Variants in ZNF585A observed in about 807,000 individuals in gnomAD.
ZNF585A encodes the protein zinc finger protein 585A.
A neutral mutation model predicts 14.9 loss-of-function variants in ZNF585A; 9 were observed. That is an observed-to-expected ratio of 0.60 (90% CI 0.36 to 1.05). The LOEUF (loss-of-function observed/expected upper bound fraction) is 1.05. Ranked by LOEUF, ZNF585A falls within the 50% of genes least tolerant of loss-of-function variation. ZNF585A has a pLI of 0.01. For synonymous variants in ZNF585A, 276 were observed against 319.9 expected, an observed-to-expected ratio of 0.86 and a Z score of 1.46; for missense variants, 726 against 926.4, an observed-to-expected ratio of 0.78 and a Z score of 2.81.
Position 37,153,102 on chromosome 19 carries a change from C to T in ZNF585A, c.797G>A (p.Gly266Asp), listed in dbSNP as rs774021931. The part of the protein sequence containing the change: ...TLKMHQKIHT[G>D]ERSYICIECG... ...TTCAATACAGATGTAGGATCTCTCG[C>T]CTGTATGGATTTTCTGATGCATCTT... Residue 266 changes from glycine (G) to aspartate (D), a missense_variant, in exon 5 of 5, where the codon GGC becomes GAC. Gly to Asp is a moderately conservative substitution (Grantham distance 94). Around this residue, in one of 2 missense-constraint regions of ZNF585A, gnomAD observed 483 missense variants for 542.8 expected, o/e 0.89. Transcript: ENST00000292841. The T allele has an allele frequency of 6.2e-7, 1 of 1,614,074 alleles. No individual in the cohort carries two copies. The highest frequency in any genetic ancestry group is 8.5e-7 in the Non-Finnish European group (1 of 1,179,996).
At position 37,151,731 on chromosome 19, in the gene ZNF585A, C is replaced by T; in HGVS notation, c.2168G>A (p.Cys723Tyr). Residue 723 changes from cysteine (C) to tyrosine (Y), a missense_variant, in exon 5 of 5, where the codon TGT becomes TAT. Around this residue, in one of 2 missense-constraint regions of ZNF585A, gnomAD observed 243 missense variants for 383.6 expected, o/e 0.63. Transcript: ENST00000292841. ...GGACCTGTCAGTAAAGGCCTTCCCA[C>T]ACTCAGCACACACGTAAGGCTTCTC... ...TGEKPYVCAECGKAFTDRSNL... is the reference protein window; with the variant it reads ...TGEKPYVCAEYGKAFTDRSNL... The T allele has an allele frequency of 6.2e-7, 1 of 1,614,184 alleles. No individual in the cohort carries two copies. Among genetic ancestry groups the T allele is most frequent in the Non-Finnish European group, 8.5e-7 (1 of 1,180,042 alleles).
chr19:37,163,515 A>C (rs530866038), intron 2 of ZNF585A, among the ~76,000 whole-genome samples: 102 of 152,000 alleles, frequency 6.7e-4, no homozygotes, highest in Middle Eastern at 3.4e-3. Context: ...CAAAAACACA[A>C]AAGGTGGCAA....
Position 37,156,221 on chromosome 19 carries a change from G to A in ZNF585A, c.199+8C>T, listed in dbSNP as rs370833979. The A allele has an allele frequency of 6.2e-7, 1 of 1,613,766 alleles. No individual in the cohort carries two copies. The highest frequency in any genetic ancestry group is 2.2e-5 in the East Asian group (1 of 44,880). On this transcript the variant is annotated splice_region_variant and intron_variant, in intron 3 of 4. Coordinates refer to ENST00000292841, the MANE Select transcript of ZNF585A (RefSeq NM_001288800.2). ...CCTCCTTTCAGATACCAAGGTGACT[G>A]TGCTTACCTACTGAGAGCAGGTGGC...
chr19:37,155,721 C>T, intron 4 of ZNF585A, 144 bp downstream of exon 4: 1 of 845,298 alleles, frequency 1.2e-6, no homozygotes, highest in South Asian at 1.6e-5. Context: ...TCTGAGAGGC[C>T]AAGGGGGCAT....
In ZNF585A at chr19:37,149,265, T is replaced by C. The variant is rs886363225; in HGVS notation, c.*2324A>G. On this transcript the variant is annotated 3_prime_UTR_variant, in exon 5 of 5. Transcript: ENST00000292841. ...CTATGCATATGTGGATTAGGGGATA[T>C]ATGGGAAACCTCTGTAATTTCTACC... 1.3e-5 allele frequency: 2 copies of C among 152,212 alleles called. No homozygotes were observed. Among genetic ancestry groups the C allele is most frequent in the South Asian group, 2.1e-4 (1 of 4,828 alleles). 9.4% of individuals were successfully genotyped at this position (152,212 alleles called of 1,614,324 possible). A position where few individuals can be genotyped will look rare whatever the true frequency, so the allele number is the denominator to read the frequency against.
chr19:37,159,740 C>A (rs1303572444), intron 2 of ZNF585A, among the ~76,000 whole-genome samples: 4 of 152,024 alleles, frequency 2.6e-5, no homozygotes, highest in Non-Finnish European at 4.4e-5. Context: ...ATAACAGAAA[C>A]AAAACAGACA....
At chr19:37,167,484 T>C (rs1366320435) in intron 2 of ZNF585A, among the ~76,000 whole-genome samples, 1 of 152,312 alleles carries the variant, frequency 6.6e-6, no homozygotes, top group African/African-American at 2.4e-5. Context: ...TTTTTAATTG[T>C]GGTAAAAATA....
At position 37,155,965 on chromosome 19, in the gene ZNF585A, T is replaced by G; in HGVS notation, c.200-8A>C. The G allele has an allele frequency of 6.2e-7, 1 of 1,613,880 alleles. No individual in the cohort carries two copies. Among genetic ancestry groups the G allele is most frequent in the Non-Finnish European group, 8.5e-7 (1 of 1,180,010 alleles). ...CTTCAGGAACTTGATATCCTGTTCA[T>G]GGGAAATGATAAAGGTCTGGGTCCA... On this transcript the variant is annotated splice_region_variant and splice_polypyrimidine_tract_variant and intron_variant, in intron 3 of 4. Coordinates refer to ENST00000292841, the MANE Select transcript of ZNF585A (RefSeq NM_001288800.2).
At position 37,152,651 on chromosome 19, in the gene ZNF585A, T is replaced by G; in HGVS notation, c.1248A>C (p.Gly416=). Residue 416 remains glycine, a synonymous_variant, in exon 5 of 5, where the codon GGA becomes GGC. Transcript: ENST00000292841. The part of the protein sequence containing the change: ...GEKSYICMKC[G]LAFIQKAHLI... ...AGTGTGCCTTCTGAATGAAGGCCAG[T>G]CCACATTTCATGCATATATACGATT... 6.2e-7 allele frequency: 1 copy of G among 1,613,974 alleles called. No homozygotes were observed. The highest frequency in any genetic ancestry group is 1.7e-5 in the Admixed American group (1 of 60,014).
chr19:37,153,050 G>T lies in ZNF585A; in HGVS notation c.849C>A (p.Thr283=), dbSNP rs1290487413. The change falls in exon 5 of 5, where the codon ACC becomes ACA. Residue 283 remains threonine, a synonymous_variant. Transcript: ENST00000292841. ...GAATTCTTCGGTGTGCAATCAAATG[G>T]GTCTTCTGGATGAAGGCCTGTCCGC... The part of the protein sequence containing the change: ...IECGQAFIQK[T]HLIAHRRIHT... 6 of 1,614,102 alleles carry T rather than the reference G, an allele frequency of 3.7e-6. No homozygotes were observed. Among genetic ancestry groups the T allele is most frequent in the Admixed American group, 3.3e-5 (2 of 60,014 alleles).
In ZNF585A at chr19:37,151,343, C is replaced by G. The variant is rs561815032; in HGVS notation, c.*246G>C. 12 of 461,680 alleles carry G rather than the reference C, an allele frequency of 2.6e-5. No homozygotes were observed. The East Asian group carries it at 3.7e-4, about 14-fold the overall frequency. The allele number at this position is 461,680 out of a possible 1,614,324, so 28.6% of individuals were successfully genotyped here. A position where few individuals can be genotyped will look rare whatever the true frequency, so the allele number is the denominator to read the frequency against. ...TTTTCATGAGAAGGCTTTTCCTATT[C>G]ACCAAATTGACTCGGTTCCTTGTCA... On this transcript the variant is annotated 3_prime_UTR_variant, in exon 5 of 5. Transcript: ENST00000292841.
Position 37,170,281 on chromosome 19 carries a change from G to A in ZNF585A, c.-144-227C>T, listed in dbSNP as rs181520906. ...TCTAAAGTAGAACCCAAAAAGTTTC[G>A]TTTCTAACTGGTGCCCAGGAAACGC... On this transcript the variant is annotated intron_variant, in intron 1 of 4. Transcript: ENST00000292841. Among the ~76,000 whole-genome samples, 611 of 152,282 alleles carry A rather than the reference G, an allele frequency of 4.0e-3. 3 individuals carry two copies. Among genetic ancestry groups the A allele is most frequent in the Non-Finnish European group, 6.3e-3 (428 of 68,022 alleles).
chr19:37,152,185 G>T lies in ZNF585A; in HGVS notation c.1714C>A (p.His572Asn). Reference sequence around the variant, plus strand: ...CATACATAGGGTTTCTCTCCTGTATGAATTTTCTGATGAACAATGAGTATT... The same window carrying T: ...CATACATAGGGTTTCTCTCCTGTATTAATTTTCTGATGAACAATGAGTATT... Reference protein sequence around the residue: ...KSILIVHQKIHTGEKPYVCTE... With the variant: ...KSILIVHQKINTGEKPYVCTE... Residue 572 changes from histidine (H) to asparagine (N), a missense_variant, in exon 5 of 5, where the codon CAT (histidine) becomes AAT (asparagine). Transcript: ENST00000292841. 1 of 1,612,240 alleles carries T rather than the reference G, an allele frequency of 6.2e-7. No individual in the cohort carries two copies. The highest frequency in any genetic ancestry group is 8.5e-7 in the Non-Finnish European group (1 of 1,179,016).
chr19:37,148,090 T>C lies in ZNF585A; in HGVS notation c.*3499A>G, dbSNP rs993374704. 1.3e-5 allele frequency: 2 copies of C among 152,212 alleles called. No individual in the cohort carries two copies. Among genetic ancestry groups the C allele is most frequent in the African/African-American group, 4.8e-5 (2 of 41,458 alleles). The allele number at this position is 152,212 out of a possible 1,614,324, so 9.4% of individuals were successfully genotyped here. On this transcript the variant is annotated 3_prime_UTR_variant, in exon 5 of 5. Transcript: ENST00000292841. ...ATGTATGGTTAATAGTATAAGAAGC[T>C]GCCAAACTTTTGTGCATAGTGGACA...
chr19:37,160,534 C>T (rs1470475924), intron 2 of ZNF585A, among the ~76,000 whole-genome samples: 2 of 151,318 alleles, frequency 1.3e-5, no homozygotes, highest in Non-Finnish European at 1.5e-5. Context: ...ATAATAAAAC[C>T]GATAAATTCA....
chr19:37,166,687 ATTGTCAACACATCAACAC>A (rs1435286051), intron 2 of ZNF585A, among the ~76,000 whole-genome samples: 3,318 of 151,070 alleles, frequency 0.022, 129 homozygotes, highest in African/African-American at 0.077. Flanking sequence ...ACATTTTTTG[ATTGTCAACACATCAACAC>A]AGCAACTTGT....
At chr19:37,155,547 T>C (rs1373837131) in intron 4 of ZNF585A, among the ~76,000 whole-genome samples, 1 of 151,960 alleles carries the variant, frequency 6.6e-6, no homozygotes, top group East Asian at 2.0e-4. Flanking sequence ...CCCAGTTACT[T>C]GGATGGCTGA....
At chr19:37,170,091 A>T (rs1231759680) in intron 1 of ZNF585A, 37 bp from the exon 2 acceptor site, 8 of 635,994 alleles carry the variant, frequency 1.3e-5, no homozygotes, top group Admixed American at 2.9e-5. Context: ...GTCATTTCAC[A>T]TTCAACACAT....
Position 37,151,612 on chromosome 19 carries a change from C to A in ZNF585A, c.2287G>T (p.Val763Phe). The part of the protein sequence containing the change: ...KGFVQKSVFS[V>F]HQSSHA The stretch of plus-strand genomic sequence containing the variant: ...TCTCAAGCGTGGCTGCTCTGATGGA[C>A]GCTGAACACTGATTTCTGAACGAAG... Residue 763 changes from valine (V) to phenylalanine (F), a missense_variant, in exon 5 of 5, where the codon GTC becomes TTC. Physicochemically the swap from Val to Phe is conservative, Grantham distance 50 (BLOSUM62 -1). Coordinates refer to ENST00000292841, the MANE Select transcript of ZNF585A (RefSeq NM_001288800.2). 6.2e-7 allele frequency: 1 copy of A among 1,613,694 alleles called. No individual in the cohort carries two copies. Among genetic ancestry groups the A allele is most frequent in the Non-Finnish European group, 8.5e-7 (1 of 1,179,740 alleles).
Sources: gnomAD v4.1 joint callset for allele counts (sites outside exome capture counted in the v4.1 genomes callset) on GRCh38, gnomAD v4.1.1 for gene constraint, gnomAD v4.1.1 regional missense constraint, MANE v1.5 for transcripts, NCBI Gene and HGNC (gene_info 2026-07-23, HGNC 2026-07-21) for gene names.